Variants in RP2 observed in about 807,000 individuals in gnomAD.
The protein encoded by RP2 is RP2 activator of ARL3 GTPase.
RP2 carries 3 observed loss-of-function variants against 20.3 expected under a neutral mutation model. That is an observed-to-expected ratio of 0.15 (90% CI 0.07 to 0.38). The LOEUF (loss-of-function observed/expected upper bound fraction) is 0.38. Ranked by LOEUF, RP2 falls within the 10% of genes least tolerant of loss-of-function variation. The pLI, the probability that RP2 is intolerant of heterozygous loss-of-function variation, is 1.00. For synonymous variants in RP2, 75 were observed against 94.8 expected, an observed-to-expected ratio of 0.79 and a Z score of 1.22; for missense variants, 233 against 268.5, an observed-to-expected ratio of 0.87 and a Z score of 0.92.
chrX:46,846,097 C>A (rs1450582710), intron 1 of RP2, among the ~76,000 whole-genome samples: 2 of 111,311 alleles, frequency 1.8e-5, no homozygotes, highest in Non-Finnish European at 3.8e-5. Context: ...GAGTGGTATT[C>A]CGTTGTATGG....
intron 1 of RP2, among the ~76,000 whole-genome samples, chrX:46,847,800 A>ATATACACACATATGTGTGTGTG (rs1569531412): frequency 1.3e-5 from 1 of 76,944 alleles, no homozygotes; most frequent in African/African-American, 5.8e-5. Flanking sequence ...GTGTGTGTGT[A>ATATACACACATATGTGTGTGTG]TATATATACA....
rs1925449452 is a variant in RP2 at position 46,880,320 on chromosome X, A to G, written c.*551A>G. 8.9e-6 allele frequency: 1 copy of G among 112,640 alleles called. No individual in the cohort carries two copies. The highest frequency in any genetic ancestry group is 3.2e-5 in the African/African-American group (1 of 31,007). 9.3% of individuals were successfully genotyped at this position (112,640 alleles called of 1,213,427 possible). A position where few individuals can be genotyped will look rare whatever the true frequency, so the allele number is the denominator to read the frequency against. On this transcript the variant is annotated 3_prime_UTR_variant, in exon 5 of 5. Transcript: ENST00000218340. ...ACATGGAGTTGACATAATACTTTGT[A>G]AATTGAATTTTTTAAAGAAATAGGC...
intron 3 of RP2, among the ~76,000 whole-genome samples, chrX:46,867,927 T>C (rs1263279413): frequency 1.8e-5 from 2 of 112,532 alleles, no homozygotes; most frequent in Admixed American, 9.5e-5. Context: ...GCCGATTTCA[T>C]ATTTTGACAA....
At chrX:46,854,590 T>C (rs1351021317) in intron 2 of RP2, among the ~76,000 whole-genome samples, 1 of 109,842 alleles carries the variant, frequency 9.1e-6, no homozygotes, top group Non-Finnish European at 1.9e-5. Flanking sequence ...TGAACTATAG[T>C]GTATGCTGGA....
chrX:46,877,703 G>GT (rs58164919), intron 4 of RP2, 113 bp downstream of exon 4: 4 of 377,301 alleles, frequency 1.1e-5, no homozygotes, highest in African/African-American at 8.3e-5. Context: ...GAATTTTTGG[G>GT]GTGTGTGTGT....
intron 1 of RP2, among the ~76,000 whole-genome samples, chrX:46,843,370 C>T (rs1240162858): frequency 9.0e-6 from 1 of 111,587 alleles, no homozygotes; most frequent in African/African-American, 3.3e-5. Flanking sequence ...TTTATATTTC[C>T]ACCAGCAATG....
chrX:46,837,802 A>G (rs1285908541), intron 1 of RP2, among the ~76,000 whole-genome samples: 13 of 112,429 alleles, frequency 1.2e-4, no homozygotes, highest in African/African-American at 4.2e-4. Context: ...CGAAAGAAAT[A>G]ATGAATATCG....
At chrX:46,857,124 T>C (rs782488601) in intron 2 of RP2, among the ~76,000 whole-genome samples, 1 of 110,497 alleles carries the variant, frequency 9.1e-6, no homozygotes, top group Non-Finnish European at 1.9e-5. Flanking sequence ...ATTGTTTTAA[T>C]GCATTAAATA....
chrX:46,847,704 A>G lies in RP2; in HGVS notation c.103-5772A>G, dbSNP rs372600532. ...TCACACTATATATATGTGTGTGTGT[A>G]TATATACACACATATATGTGTGTGT... On this transcript the variant is annotated intron_variant, in intron 1 of 4. Transcript: ENST00000218340. Among the ~76,000 whole-genome samples, 31 of 82,593 alleles carry G rather than the reference A, an allele frequency of 3.8e-4. 1 individual carries two copies. Among genetic ancestry groups the G allele is most frequent in the African/African-American group, 1.2e-3 (22 of 18,921 alleles). The allele number at this position is 82,593 out of a possible 115,157, so 71.7% of individuals were successfully genotyped here. A position where few individuals can be genotyped will look rare whatever the true frequency, so the allele number is the denominator to read the frequency against.
At chrX:46,838,860 A>G (rs1389987427) in intron 1 of RP2, among the ~76,000 whole-genome samples, 1 of 112,228 alleles carries the variant, frequency 8.9e-6, no homozygotes, top group East Asian at 2.8e-4. Flanking sequence ...TGAGTGTGTA[A>G]TAAACTTTCA....
intron 4 of RP2, among the ~76,000 whole-genome samples, chrX:46,879,079 A>AAAC: frequency 1.0e-5 from 1 of 99,516 alleles, no homozygotes; most frequent in South Asian, 4.8e-4. Flanking sequence ...AAAAAAAAAA[A>AAAC]AAAAAAAAAA....
At chrX:46,873,392 G>A (rs1925323458) in intron 3 of RP2, among the ~76,000 whole-genome samples, 1 of 112,158 alleles carries the variant, frequency 8.9e-6, no homozygotes, top group South Asian at 3.7e-4. Flanking sequence ...CTAAAAACAT[G>A]ACCAGTAATC....
At chrX:46,840,134 C>T (rs902556656) in intron 1 of RP2, among the ~76,000 whole-genome samples, 2 of 111,905 alleles carry the variant, frequency 1.8e-5, no homozygotes, top group Non-Finnish European at 3.8e-5. Flanking sequence ...TGCACCACCA[C>T]GCCTGGCTAA....
chrX:46,842,341 G>A (rs1238704516), intron 1 of RP2, among the ~76,000 whole-genome samples: 1 of 111,863 alleles, frequency 8.9e-6, no homozygotes, highest in Non-Finnish European at 1.9e-5. Context: ...GAGAAAATGT[G>A]GAATGTTCCC....
At chrX:46,847,868 A>G (rs782489487) in intron 1 of RP2, among the ~76,000 whole-genome samples, 29 of 99,720 alleles carry the variant, frequency 2.9e-4, no homozygotes, top group African/African-American at 6.9e-4. Context: ...ATGTGTGTGT[A>G]TATATATACA....
chrX:46,847,767 T>TATGTGTGTATATACACAC (rs781898428), intron 1 of RP2, among the ~76,000 whole-genome samples: 63 of 68,458 alleles, frequency 9.2e-4, no homozygotes, highest in African/African-American at 4.1e-3. Flanking sequence ...TATACACACA[T>TATGTGTGTATATACACAC]GTGTGTGTGT....
chrX:46,847,774 G>A (rs868934690), intron 1 of RP2, among the ~76,000 whole-genome samples: 1 of 79,224 alleles, frequency 1.3e-5, no homozygotes, highest in African/African-American at 6.1e-5. Context: ...ACATGTGTGT[G>A]TGTACATACA....
intron 3 of RP2, among the ~76,000 whole-genome samples, chrX:46,865,840 A>G (rs1428331420): frequency 9.1e-6 from 1 of 110,330 alleles, no homozygotes; most frequent in Non-Finnish European, 1.9e-5. Context: ...AGGCAGGAGA[A>G]TCACTTGAAC....
Position 46,848,757 on chromosome X carries a change from G to A in RP2, c.103-4719G>A, listed in dbSNP as rs187005762. Among the ~76,000 whole-genome samples, 27 of 109,686 alleles carry A rather than the reference G, an allele frequency of 2.5e-4. 1 individual carries two copies. The highest frequency in any genetic ancestry group is 2.3e-3 in the Admixed American group (24 of 10,340). On this transcript the variant is annotated intron_variant, in intron 1 of 4. Coordinates refer to ENST00000218340, the MANE Select transcript of RP2 (RefSeq NM_006915.3). ...GTAAGAAATAGTCTAGGCCAGACAC[G>A]GTGGCGCATGCCTGTAATTCCAGCA...
Sources: gnomAD v4.1 joint callset for allele counts (sites outside exome capture counted in the v4.1 genomes callset) on GRCh38, gnomAD v4.1.1 for gene constraint, MANE v1.5 for transcripts, NCBI Gene and HGNC (gene_info 2026-07-23, HGNC 2026-07-21) for gene names.